TCAF1: variants seen among roughly 807,000 people sequenced by gnomAD.
The protein encoded by TCAF1 is TRPM8 channel-associated factor 1.
TCAF1 carries 4 observed loss-of-function variants against 27.3 expected under a neutral mutation model. The observed-to-expected ratio is 0.15, with a 90% CI of 0.07 to 0.34. The LOEUF is 0.34. Ranked by LOEUF, TCAF1 falls within the 10% of genes least tolerant of loss-of-function variation. The pLI is 1.00. For missense variants in TCAF1, 257 were observed against 425.8 expected (o/e 0.60, Z 3.49); for synonymous variants, 105 against 167.1 (o/e 0.63, Z 2.87).
intron 1 of TCAF1, among the ~76,000 whole-genome samples, chr7:143,897,165 T>TATATAA (rs1813915948): frequency 9.3e-6 from 1 of 107,962 alleles, no homozygotes. Flanking sequence ...TATATATATA[T>TATATAA]ATATATATAT....
chr7:143,885,211 C>T, intron 1 of TCAF1: 1 of 985,564 alleles, frequency 1.0e-6, no homozygotes, highest in Non-Finnish European at 1.2e-6. Context: ...GAGACTCACC[C>T]TTTCGTCCAG....
Position 143,876,521 on chromosome 7 carries a change from G to T in TCAF1, c.88C>A (p.Leu30Ile). The T allele has an allele frequency of 6.4e-7, 1 of 1,571,244 alleles. No individual in the cohort carries two copies. The highest frequency in any genetic ancestry group is 8.6e-7 in the Non-Finnish European group (1 of 1,162,918). The change falls in exon 2 of 9, where the codon CTT becomes ATT. Residue 30 changes from leucine to isoleucine, a missense_variant. Physicochemically the swap from Leu to Ile is conservative, Grantham distance 5 (BLOSUM62 2). Transcript: ENST00000479870. ...VPEDAVPCELLLIGEASFPVM... is the reference protein window; with the variant it reads ...VPEDAVPCELILIGEASFPVM... ...GGAAATGAAGCCTCTCCAATAAGAA[G>T]CAGTTCACATGGAACAGCATCTTCG...
At position 143,876,442 on chromosome 7, in the gene TCAF1, C is replaced by T. The variant is rs149141329; in HGVS notation, c.167G>A (p.Arg56His). ...ATGGGACACGACCACCAGGCGGCCACGGCCATAGGAGGAGGCAGCAATGAG... is the reference window on the plus strand; with the variant it reads ...ATGGGACACGACCACCAGGCGGCCATGGCCATAGGAGGAGGCAGCAATGAG... ...QVLIAASSYGRGRLVVVSHED... is the reference protein window; with the variant it reads ...QVLIAASSYGHGRLVVVSHED... Residue 56 changes from arginine (R) to histidine (H), a missense_variant, in exon 2 of 9, where the codon CGT becomes CAT. By Grantham distance (29) the Arg-to-His change is conservative. Around this residue, in one of 2 missense-constraint regions of TCAF1, gnomAD observed 255 missense variants for 260.1 expected, o/e 0.98. Coordinates refer to ENST00000479870, the MANE Select transcript of TCAF1 (RefSeq NM_014719.3). 23 of 1,609,754 alleles carry T rather than the reference C, an allele frequency of 1.4e-5. No homozygotes were observed. Among genetic ancestry groups the T allele is most frequent in the South Asian group, 3.3e-5 (3 of 90,224 alleles).
At chr7:143,883,497 T>TTGC (rs1813201423) in intron 1 of TCAF1, among the ~76,000 whole-genome samples, 1 of 116,996 alleles carries the variant, frequency 8.5e-6, no homozygotes, top group Non-Finnish European at 1.7e-5. Flanking sequence ...TTCTTTCCTT[T>TTGC]TTCTTTTTTT....
At chr7:143,886,180 C>A (rs1020157127) in intron 1 of TCAF1, among the ~76,000 whole-genome samples, 3 of 152,140 alleles carry the variant, frequency 2.0e-5, no homozygotes, top group Admixed American at 6.5e-5. Flanking sequence ...TATGGCTGGT[C>A]CCCAGGGCCC....
At chr7:143,891,945 G>C (rs1278828191) in intron 1 of TCAF1, among the ~76,000 whole-genome samples, 1 of 151,834 alleles carries the variant, frequency 6.6e-6, no homozygotes, top group Non-Finnish European at 1.5e-5. Context: ...ATGAAAATAA[G>C]AACACAACAG....
chr7:143,859,919 TA>T (rs1811826487), intron 6 of TCAF1, among the ~76,000 whole-genome samples: 2 of 86,898 alleles, frequency 2.3e-5, no homozygotes, highest in East Asian at 6.9e-4. Flanking sequence ...TATTACGGAA[TA>T]TATATTATAT....
chr7:143,872,642 AC>A (rs1812520029), intron 2 of TCAF1, among the ~76,000 whole-genome samples: 1 of 28,518 alleles, frequency 3.5e-5, no homozygotes, highest in East Asian at 6.8e-4. Flanking sequence ...ATTGTGTATA[AC>A]TTCTAAACAG....
chr7:143,888,582 A>G (rs1411399417), intron 1 of TCAF1, among the ~76,000 whole-genome samples: 2 of 152,252 alleles, frequency 1.3e-5, no homozygotes, highest in Non-Finnish European at 2.9e-5. Flanking sequence ...CCAGTTTTCC[A>G]TATAGGTTTG....
At chr7:143,879,366 G>A (rs1339917708) in intron 1 of TCAF1, among the ~76,000 whole-genome samples, 1 of 152,174 alleles carries the variant, frequency 6.6e-6, no homozygotes, top group Non-Finnish European at 1.5e-5. Flanking sequence ...GGAGAAGAAG[G>A]GGAAGGAGAT....
intron 1 of TCAF1, among the ~76,000 whole-genome samples, chr7:143,888,554 A>C (rs1220497677): frequency 1.3e-5 from 2 of 152,230 alleles, no homozygotes; most frequent in Non-Finnish European, 2.9e-5. Flanking sequence ...AAGATCAATG[A>C]GAATGAATAA....
rs545835893 is a variant in TCAF1, at chr7:143,895,137, C to T, written c.-15+6824G>A. Among the ~76,000 whole-genome samples the T allele has an allele frequency of 5.3e-5, 8 of 151,836 alleles. No individual in the cohort carries two copies. In the South Asian group the frequency reaches 1.0e-3, roughly 20 times the overall value. ...ATATATTTCTGATGGGAACATAAAT[C>T]GATACAGCTATGTGGCAAAACTGTC... On this transcript the variant is annotated intron_variant, in intron 1 of 8. Coordinates refer to ENST00000479870, the MANE Select transcript of TCAF1 (RefSeq NM_014719.3).
chr7:143,882,367 CG>C (rs1813097224), intron 1 of TCAF1: 1 of 984,842 alleles, frequency 1.0e-6, no homozygotes, highest in South Asian at 4.7e-5. Flanking sequence ...GCTCAAGCCC[CG>C]GGCCTTCTCA....
intron 1 of TCAF1, chr7:143,884,880 T>C (rs1450653000): frequency 2.2e-6 from 1 of 458,404 alleles, no homozygotes; most frequent in Admixed American, 6.4e-5. Context: ...TGTTGCTGGT[T>C]ATGTTCCTGG....
chr7:143,880,380 T>C (rs1192652716), intron 1 of TCAF1, among the ~76,000 whole-genome samples: 1 of 152,230 alleles, frequency 6.6e-6, no homozygotes, highest in Non-Finnish European at 1.5e-5. Flanking sequence ...GTCCATACTC[T>C]TAAGCACCAG....
chr7:143,871,310 C>T lies in TCAF1; in HGVS notation c.620+4679G>A, dbSNP rs1347055722. Among the ~76,000 whole-genome samples the T allele has an allele frequency of 4.1e-5, 6 of 145,132 alleles. No homozygotes were observed. In the East Asian group the frequency reaches 6.0e-4, roughly 14 times the overall value. ...CTGATGGGCTCAGGAGACAGCTTAA[C>T]GAGGCTTTAACTTGCCAAATTTGGG... On this transcript the variant is annotated intron_variant, in intron 2 of 8. Coordinates refer to ENST00000479870, the MANE Select transcript of TCAF1 (RefSeq NM_014719.3).
intron 1 of TCAF1, among the ~76,000 whole-genome samples, chr7:143,891,790 T>G (rs995705772): frequency 1.3e-5 from 2 of 152,122 alleles, no homozygotes; most frequent in Non-Finnish European, 2.9e-5. Flanking sequence ...CCGAGCAGAA[T>G]ACACAGAAAG....
At chr7:143,892,938 G>A (rs1813713217) in intron 1 of TCAF1, among the ~76,000 whole-genome samples, 1 of 152,112 alleles carries the variant, frequency 6.6e-6, no homozygotes, top group African/African-American at 2.4e-5. Context: ...TTAACCACCA[G>A]TCTATCACAT....
At chr7:143,882,733 C>G in intron 1 of TCAF1, 1 of 985,800 alleles carries the variant, frequency 1.0e-6, no homozygotes, top group Non-Finnish European at 1.2e-6. Context: ...GAGGGCCACT[C>G]ACCAGGTCAC....
Sources: gnomAD v4.1 joint callset for allele counts (sites outside exome capture counted in the v4.1 genomes callset) on GRCh38, gnomAD v4.1.1 for gene constraint, gnomAD v4.1.1 regional missense constraint, MANE v1.5 for transcripts, NCBI Gene and HGNC (gene_info 2026-07-23, HGNC 2026-07-21) for gene names.